MID2: variants seen among roughly 807,000 people sequenced by gnomAD.
The protein encoded by MID2 is probable E3 ubiquitin-protein ligase MID2.
In MID2, 13 loss-of-function variants were observed where a neutral mutation model predicts 46.1. The observed-to-expected ratio is 0.28, with a 90% CI of 0.18 to 0.45. MID2 has a LOEUF of 0.45. Among genes scored for constraint, MID2 ranks in the 20% least tolerant of loss-of-function variants. MID2 has a pLI of 1.00. For missense variants in MID2, 431 were observed against 575.4 expected (o/e 0.75, Z 2.57); for synonymous variants, 199 against 212.3 (o/e 0.94, Z 0.55).
chrX:107,907,533 T>C (rs1932846253), intron 5 of MID2, among the ~76,000 whole-genome samples: 1 of 111,543 alleles, frequency 9.0e-6, no homozygotes. Flanking sequence ...CCAAATACAC[T>C]CTTTTTTCCA....
At chrX:107,839,649 C>T (rs1489929517) in intron 1 of MID2, among the ~76,000 whole-genome samples, 1 of 112,043 alleles carries the variant, frequency 8.9e-6, no homozygotes, top group Non-Finnish European at 1.9e-5. Context: ...GGATTACAGG[C>T]GTGAGCCACT....
At chrX:107,864,277 C>G (rs188514052) in intron 3 of MID2, among the ~76,000 whole-genome samples, 1 of 112,013 alleles carries the variant, frequency 8.9e-6, no homozygotes, top group African/African-American at 3.2e-5. Flanking sequence ...TGGTAAGCCT[C>G]TTATGTACTC....
intron 3 of MID2, among the ~76,000 whole-genome samples, chrX:107,897,788 C>G (rs1367575232): frequency 9.0e-6 from 1 of 111,634 alleles, no homozygotes; most frequent in African/African-American, 3.3e-5. Context: ...TTGATGCTGC[C>G]ACAGCAAATG....
At chrX:107,842,516 T>A (rs1931370332) in intron 2 of MID2, among the ~76,000 whole-genome samples, 1 of 112,338 alleles carries the variant, frequency 8.9e-6, no homozygotes, top group Non-Finnish European at 1.9e-5. Flanking sequence ...GAGATTTTCC[T>A]CCTGCCATGC....
At chrX:107,857,850 T>G (rs1701586706) in intron 3 of MID2, among the ~76,000 whole-genome samples, 1 of 112,321 alleles carries the variant, frequency 8.9e-6, no homozygotes, top group Non-Finnish European at 1.9e-5. Context: ...AATGACTATA[T>G]TCACAGTGTA....
intron 7 of MID2, among the ~76,000 whole-genome samples, chrX:107,922,447 C>A (rs2473635): frequency 3.1e-4 from 35 of 111,854 alleles, no homozygotes; most frequent in Non-Finnish European, 6.0e-4. Context: ...ATTTTCCCAT[C>A]TGTATTCATT....
At chrX:107,850,645 G>T (rs1262304482) in intron 2 of MID2, among the ~76,000 whole-genome samples, 1 of 112,257 alleles carries the variant, frequency 8.9e-6, no homozygotes, top group Non-Finnish European at 1.9e-5. Flanking sequence ...GCTCTGTGTT[G>T]TTAACATGTG....
Position 107,826,351 on chromosome X carries a change from C to A in MID2, c.-76C>A. The A allele has an allele frequency of 9.1e-7, 1 of 1,099,467 alleles. No homozygotes were observed. Among genetic ancestry groups the A allele is most frequent in the Non-Finnish European group, 1.2e-6 (1 of 836,300 alleles). 90.6% of individuals were successfully genotyped at this position (1,099,467 alleles called of 1,213,427 possible). A position where few individuals can be genotyped will look rare whatever the true frequency, so the allele number is the denominator to read the frequency against. On this transcript the variant is annotated 5_prime_UTR_variant, in exon 1 of 10. Coordinates refer to ENST00000262843, the MANE Select transcript of MID2 (RefSeq NM_012216.4). ...CCGGGAGCTCGCGCCGGAGCCCGAG[C>A]CAACCCGCTGCGGAGGCAGACGAGA...
In MID2 at chrX:107,876,744, C is replaced by A. The variant is rs897957933; in HGVS notation, c.816+22040C>A. 1.3e-4 allele frequency among the ~76,000 whole-genome samples: 15 copies of A among 112,304 alleles called. 1 individual carries two copies. Among genetic ancestry groups the A allele is most frequent in the Admixed American group, 3.8e-4 (4 of 10,594 alleles). ...GTTTGATTCAAAAGTAACATAATGT[C>A]TTTCCAGGAGAGTTCAGATACTTGG... On this transcript the variant is annotated intron_variant, in intron 3 of 9. Coordinates refer to ENST00000262843, the MANE Select transcript of MID2 (RefSeq NM_012216.4).
At chrX:107,887,289 A>G (rs1932475133) in intron 3 of MID2, among the ~76,000 whole-genome samples, 1 of 111,941 alleles carries the variant, frequency 8.9e-6, no homozygotes, top group African/African-American at 3.3e-5. Flanking sequence ...TTATTTTGAG[A>G]TACGTCCAAT....
chrX:107,831,244 T>C lies in MID2; in HGVS notation c.4+4814T>C, dbSNP rs768621535. Reference sequence around the variant, plus strand: ...CCTGCAGAGCTCTGGCTGCCTGACCTTGGGCTTTGTCTCAGCTTCCTTCCC... The same window carrying C: ...CCTGCAGAGCTCTGGCTGCCTGACCCTGGGCTTTGTCTCAGCTTCCTTCCC... On this transcript the variant is annotated intron_variant, in intron 1 of 9. Transcript: ENST00000262843. Among the ~76,000 whole-genome samples the C allele has an allele frequency of 3.1e-3, 348 of 111,850 alleles. 4 individuals are homozygous for C. Among genetic ancestry groups the C allele is most frequent in the African/African-American group, 0.011 (331 of 30,790 alleles).
intron 7 of MID2, among the ~76,000 whole-genome samples, chrX:107,918,323 C>T (rs1443404607): frequency 1.8e-5 from 2 of 111,382 alleles, no homozygotes; most frequent in Non-Finnish European, 3.8e-5. Flanking sequence ...GCTGAAAGTT[C>T]CCCTCAATGC....
In MID2 at chrX:107,929,359, C is replaced by G. The variant is rs1334481969; in HGVS notation, c.*2286C>G. ...GCTCCCTTAGCACCCAGTAGAAGGT[C>G]CCAACTCCTTACAGAGTCTGGGTTT... On this transcript the variant is annotated 3_prime_UTR_variant, in exon 10 of 10. Coordinates refer to ENST00000262843, the MANE Select transcript of MID2 (RefSeq NM_012216.4). 1.8e-5 allele frequency among the ~76,000 whole-genome samples: 2 copies of G among 111,191 alleles called. No homozygotes were observed. Among genetic ancestry groups the G allele is most frequent in the Non-Finnish European group, 3.8e-5 (2 of 52,927 alleles).
At chrX:107,861,304 G>A (rs965204542) in intron 3 of MID2, among the ~76,000 whole-genome samples, 2 of 111,643 alleles carry the variant, frequency 1.8e-5, no homozygotes, top group African/African-American at 6.5e-5. Context: ...AATTCAAAGA[G>A]GTCAGGAAGA....
intron 1 of MID2, among the ~76,000 whole-genome samples, chrX:107,826,813 C>T (rs1211590178): frequency 8.8e-6 from 1 of 113,555 alleles, no homozygotes; most frequent in Non-Finnish European, 1.9e-5. Context: ...CCCACGCTCC[C>T]GCAGCCGGCA....
intron 3 of MID2, among the ~76,000 whole-genome samples, chrX:107,882,892 G>A (rs5962415): frequency 0.3 from 33,535 of 110,971 alleles, 6,869 homozygotes; most frequent in African/African-American, 0.75. Context: ...CTATAAAGAC[G>A]CATGCACACA....
Position 107,926,987 on chromosome X carries a change from G to C in MID2, c.2122G>C (p.Asp708His). ...LMILSGLPAP[D>H]FIDYPERQEC... ...GATCCTGTCTGGCTTGCCTGCCCCA[G>C]ATTTTATTGATTACCCTGAGCGGCA... Residue 708 changes from aspartate to histidine, a missense_variant, in exon 10 of 10, where the codon GAT becomes CAT. Physicochemically the swap from Asp to His is moderately conservative, Grantham distance 81. Coordinates refer to ENST00000262843, the MANE Select transcript of MID2 (RefSeq NM_012216.4). 3.3e-6 allele frequency: 4 copies of C among 1,210,393 alleles called. No homozygotes were observed. Among genetic ancestry groups the C allele is most frequent in the Non-Finnish European group, 4.5e-6 (4 of 894,606 alleles).
At chrX:107,869,667 C>T (rs1932025519) in intron 3 of MID2, among the ~76,000 whole-genome samples, 2 of 110,918 alleles carry the variant, frequency 1.8e-5, no homozygotes, top group African/African-American at 6.6e-5. Flanking sequence ...CAAATAGGTA[C>T]AGTACATTTT....
chrX:107,865,960 GA>G (rs956823669), intron 3 of MID2, among the ~76,000 whole-genome samples: 1 of 112,677 alleles, frequency 8.9e-6, no homozygotes, highest in African/African-American at 3.2e-5. Context: ...AGGTACAGGG[GA>G]AAGCCCAGGA....
Sources: allele counts gnomAD v4.1 joint callset (sites outside exome capture counted in the v4.1 genomes callset), GRCh38; gene constraint gnomAD v4.1.1; transcripts MANE v1.5; gene names NCBI Gene and HGNC (gene_info 2026-07-23, HGNC 2026-07-21).